CYP20A1: variants seen among roughly 807,000 people sequenced by gnomAD.
CYP20A1 encodes cytochrome P450 20A1.
In CYP20A1, 61 loss-of-function variants were observed where a neutral mutation model predicts 61.4. That is an observed-to-expected ratio of 0.99 (90% CI 0.81 to 1.23). The LOEUF (loss-of-function observed/expected upper bound fraction) is 1.23. Ranked by LOEUF, CYP20A1 falls within the 50% of genes most tolerant of loss-of-function variation. The pLI is 0.00. For missense variants in CYP20A1, 530 were observed against 542.4 expected (o/e 0.98, Z 0.23); for synonymous variants, 193 against 188.2 (o/e 1.03, Z -0.21).
chr2:203,263,132 G>A (rs1348606309), intron 4 of CYP20A1, among the ~76,000 whole-genome samples: 3 of 151,698 alleles, frequency 2.0e-5, no homozygotes. Flanking sequence ...GGGATTACAG[G>A]CTCCTGCCAC....
chr2:203,294,941 A>ATT (rs1167546590), intron 11 of CYP20A1, among the ~76,000 whole-genome samples: 18 of 45,460 alleles, frequency 4.0e-4, no homozygotes, highest in East Asian at 2.0e-3. Flanking sequence ...CTTTAAAAAA[A>ATT]TTTTTTTTTT....
At chr2:203,245,668 T>C (rs1197506104) in intron 1 of CYP20A1, among the ~76,000 whole-genome samples, 178 bp from the exon 2 acceptor site, 1 of 152,152 alleles carries the variant, frequency 6.6e-6, no homozygotes, top group African/African-American at 2.4e-5. Context: ...GCAAAGGACA[T>C]GGAAATCATT....
chr2:203,288,859 T>C (rs374617300), intron 9 of CYP20A1, among the ~76,000 whole-genome samples: 7 of 152,180 alleles, frequency 4.6e-5, no homozygotes, highest in African/African-American at 1.7e-4. Context: ...TTTTAATCTG[T>C]AAAATTAGAA....
chr2:203,294,799 T>A (rs1372408882), intron 11 of CYP20A1, among the ~76,000 whole-genome samples: 2 of 151,408 alleles, frequency 1.3e-5, no homozygotes, highest in African/African-American at 4.9e-5. Flanking sequence ...CACGCCCAGC[T>A]AATTTTTATG....
chr2:203,305,048 CTT>C lies in CYP20A1; in HGVS notation c.*8141_*8142del, dbSNP rs370991952. Among the ~76,000 whole-genome samples the C allele has an allele frequency of 1.3e-3, 199 of 152,166 alleles. 5 individuals carry two copies. In the East Asian group the frequency reaches 0.035, roughly 26 times the overall value. ...CTTATAGATCAATTTTAATATTTGA[CTT>C]ATAGAATTTTATGACACTAAATGGA... On this transcript the variant is annotated 3_prime_UTR_variant, in exon 13 of 13. Coordinates refer to ENST00000356079, the MANE Select transcript of CYP20A1 (RefSeq NM_177538.3).
At chr2:203,277,615 A>G (rs2067877529) in intron 6 of CYP20A1, among the ~76,000 whole-genome samples, 1 of 151,882 alleles carries the variant, frequency 6.6e-6, no homozygotes. Context: ...GCCCAGGTTC[A>G]AGCGATTCTC....
chr2:203,265,488 C>G (rs1463746762), intron 4 of CYP20A1, among the ~76,000 whole-genome samples: 1 of 152,150 alleles, frequency 6.6e-6, no homozygotes, highest in Non-Finnish European at 1.5e-5. Context: ...ACTAATTATT[C>G]ATTTGTCATG....
chr2:203,270,100 C>T (rs1013059026), intron 5 of CYP20A1, among the ~76,000 whole-genome samples: 15 of 151,108 alleles, frequency 9.9e-5, no homozygotes, highest in African/African-American at 2.9e-4. Flanking sequence ...AAAAAAAAAA[C>T]GACAGGAAAA....
At chr2:203,241,458 A>G (rs74790977) in intron 1 of CYP20A1, among the ~76,000 whole-genome samples, 5,752 of 152,260 alleles carry the variant, frequency 0.038, 357 homozygotes, top group African/African-American at 0.13. Flanking sequence ...TACAGGAGAG[A>G]AGAGGTCCCA....
chr2:203,262,595 T>C (rs1015809936), intron 4 of CYP20A1, among the ~76,000 whole-genome samples: 1 of 150,242 alleles, frequency 6.7e-6, no homozygotes, highest in Non-Finnish European at 1.5e-5. Flanking sequence ...AGATCGTTAA[T>C]AAACAGTGCT....
chr2:203,241,812 A>G (rs2066264314), intron 1 of CYP20A1, among the ~76,000 whole-genome samples: 1 of 152,122 alleles, frequency 6.6e-6, no homozygotes, highest in Non-Finnish European at 1.5e-5. Flanking sequence ...CTACATGCTC[A>G]TGCCACCACA....
chr2:203,301,626 T>G lies in CYP20A1; in HGVS notation c.*4718T>G, dbSNP rs755286572. ...TCTCTCAAACTTGTGCTAACAAAAT[T>G]TAAGGCAATATTAATTCTGTGCATG... is the stretch of plus-strand genomic sequence containing the variant. On this transcript the variant is annotated 3_prime_UTR_variant, in exon 13 of 13. Coordinates refer to ENST00000356079, the MANE Select transcript of CYP20A1 (RefSeq NM_177538.3). Among the ~76,000 whole-genome samples, 2 of 152,084 alleles carry G rather than the reference T, an allele frequency of 1.3e-5. No homozygotes were observed. Among genetic ancestry groups the G allele is most frequent in the Non-Finnish European group, 2.9e-5 (2 of 68,016 alleles).
intron 6 of CYP20A1, among the ~76,000 whole-genome samples, chr2:203,274,282 T>G (rs1172762320): frequency 6.6e-6 from 1 of 151,806 alleles, no homozygotes; most frequent in African/African-American, 2.4e-5. Flanking sequence ...GCCTCCTGGA[T>G]TCAAGCGATT....
At position 203,302,558 on chromosome 2, in the gene CYP20A1, T is replaced by C. The variant is rs1275576274; in HGVS notation, c.*5650T>C. Among the ~76,000 whole-genome samples the C allele has an allele frequency of 6.6e-6, 1 of 152,148 alleles. No homozygotes were observed. The highest frequency in any genetic ancestry group is 1.5e-5 in the Non-Finnish European group (1 of 68,036). ...CAAAAGATTCTAATATAGATACTCTTTTTATGCATATGTAATTTATATATA... is the reference window on the plus strand; with the variant it reads ...CAAAAGATTCTAATATAGATACTCTCTTTATGCATATGTAATTTATATATA... On this transcript the variant is annotated 3_prime_UTR_variant, in exon 13 of 13. Coordinates refer to ENST00000356079, the MANE Select transcript of CYP20A1 (RefSeq NM_177538.3).
At chr2:203,266,751 C>A (rs2067339468) in intron 5 of CYP20A1, 70 bp downstream of exon 5, 1 of 1,333,656 alleles carries the variant, frequency 7.5e-7, no homozygotes, top group African/African-American at 1.4e-5. Flanking sequence ...GTAATCCCAG[C>A]ACTTTGGGAG....
At chr2:203,274,849 T>C (rs575731881) in intron 6 of CYP20A1, among the ~76,000 whole-genome samples, 2 of 152,316 alleles carry the variant, frequency 1.3e-5, no homozygotes, top group African/African-American at 4.8e-5. Context: ...TGATAAAAAA[T>C]GTATTTCAGA....
At chr2:203,267,053 A>C (rs2067353090) in intron 5 of CYP20A1, among the ~76,000 whole-genome samples, 1 of 150,336 alleles carries the variant, frequency 6.7e-6, no homozygotes, top group South Asian at 2.1e-4. Context: ...CCAGCTACTG[A>C]GGCTGAGGCA....
intron 11 of CYP20A1, among the ~76,000 whole-genome samples, chr2:203,293,818 T>C (rs1195371205): frequency 2.0e-5 from 3 of 152,172 alleles, no homozygotes; most frequent in Non-Finnish European, 4.4e-5. Context: ...GTTTAAGTCG[T>C]TTAAAAATAC....
At chr2:203,272,414 CA>C (rs2067638714) in intron 5 of CYP20A1, among the ~76,000 whole-genome samples, 1 of 151,890 alleles carries the variant, frequency 6.6e-6, no homozygotes, top group Non-Finnish European at 1.5e-5. Flanking sequence ...TGGTGGCACA[CA>C]ACTGTAGTCC....
Sources: allele counts gnomAD v4.1 joint callset (sites outside exome capture counted in the v4.1 genomes callset), GRCh38; gene constraint gnomAD v4.1.1; transcripts MANE v1.5; gene names NCBI Gene and HGNC (gene_info 2026-07-23, HGNC 2026-07-21).